VEGFB: variants seen among roughly 807,000 people sequenced by gnomAD.
VEGFB encodes vascular endothelial growth factor B.
VEGFB carries 24 observed loss-of-function variants against 22.5 expected under a neutral mutation model. That is an observed-to-expected ratio of 1.07 (90% CI 0.77 to 1.50). VEGFB has a LOEUF of 1.50. VEGFB is among the 40% of genes most tolerant of loss of function. VEGFB has a pLI of 0.00. For synonymous variants in VEGFB, 141 were observed against 117.4 expected (o/e 1.20, Z -1.30); for missense variants, 327 against 287.8 (o/e 1.14, Z -0.99).
In VEGFB at chr11:64,236,333, A is replaced by C; in HGVS notation, c.374+6A>C. ...CACAGCCAGTGTGAATGCAGGTGCCAGCCAGGCCCAACTTCTGAGCTCGCA... is the reference window on the plus strand; with the variant it reads ...CACAGCCAGTGTGAATGCAGGTGCCCGCCAGGCCCAACTTCTGAGCTCGCA... On this transcript the variant is annotated splice_donor_region_variant and intron_variant, in intron 4 of 6. Transcript: ENST00000309422. 1 of 1,613,570 alleles carries C rather than the reference A, an allele frequency of 6.2e-7. No individual in the cohort carries two copies.
At chr11:64,236,122 C>A in intron 3 of VEGFB, 113 bp downstream of exon 3, 2 of 1,524,038 alleles carry the variant, frequency 1.3e-6, no homozygotes, top group Non-Finnish European at 1.8e-6. Flanking sequence ...GACTGATGCA[C>A]AGGAGACAGG....
rs1440012134 is a variant in VEGFB at position 64,238,372 on chromosome 11, A to G, written c.*39A>G. The stretch of plus-strand genomic sequence containing the variant: ...CCTCCTCAGGTGCCGGAAGCTGCGA[A>G]GGTGACACATGGCTTTTCAGACTCA... On this transcript the variant is annotated 3_prime_UTR_variant, in exon 7 of 7. Transcript: ENST00000309422. The G allele has an allele frequency of 1.3e-6, 2 of 1,536,080 alleles. No homozygotes were observed. Among genetic ancestry groups the G allele is most frequent in the African/African-American group, 2.7e-5 (2 of 73,016 alleles).
chr11:64,238,273 C>T lies in VEGFB; in HGVS notation c.*23-83C>T, dbSNP rs893340930. 5 of 1,509,304 alleles carry T rather than the reference C, an allele frequency of 3.3e-6. No homozygotes were observed. The African/African-American group carries it at 5.5e-5, about 17-fold the overall frequency. The allele number at this position is 1,509,304 out of a possible 1,614,324, so 93.5% of individuals were successfully genotyped here. On this transcript the variant is annotated intron_variant, in intron 6 of 6. Transcript: ENST00000309422. ...TGTGGCAGGATGCTCAGGTTGTGAT[C>T]TTAGTGGGCCCGAGGCACACATGAG...
chr11:64,237,777 A>G, intron 6 of VEGFB, 122 bp downstream of exon 6: 2 of 939,662 alleles, frequency 2.1e-6, no homozygotes, highest in South Asian at 3.7e-5. Flanking sequence ...GAATGTGTTG[A>G]ACAAATATTT....
At chr11:64,235,037 G>A in intron 1 of VEGFB, 144 bp downstream of exon 1, 1 of 638,406 alleles carries the variant, frequency 1.6e-6, no homozygotes, top group Non-Finnish European at 2.2e-6. Flanking sequence ...CCCGGCGCGT[G>A]CATCCCCTGG....
chr11:64,236,370 T>TG, intron 4 of VEGFB, 43 bp downstream of exon 4: 2 of 1,589,108 alleles, frequency 1.3e-6, no homozygotes. Context: ...AGGCCAGGCT[T>TG]GGGGGGTGCT....
chr11:64,235,601 C>G (rs1591078969), intron 2 of VEGFB, 101 bp downstream of exon 2: 1 of 1,364,316 alleles, frequency 7.3e-7, no homozygotes, highest in East Asian at 2.3e-5. Context: ...CTAGAAGATT[C>G]AAACTATTAT....
chr11:64,236,208 T>C, intron 3 of VEGFB, 46 bp from the exon 4 acceptor site: 1 of 1,604,336 alleles, frequency 6.2e-7, no homozygotes, highest in Non-Finnish European at 8.5e-7. Context: ...AGCATCCCCT[T>C]TCTCTCTCTC....
rs751195975 is a variant in VEGFB at position 64,237,198 on chromosome 11, A to T, written c.386A>T (p.Lys129Met). 2 of 1,605,990 alleles carry T rather than the reference A, an allele frequency of 1.2e-6. No individual in the cohort carries two copies. Among genetic ancestry groups the T allele is most frequent in the South Asian group, 2.2e-5 (2 of 89,774 alleles). ...HSQCECRPKK[K>M]DSAVKPDRAA... ...ATCTTACTTTTCAGACCTAAAAAAA[A>T]GGACAGTGCTGTGAAGCCAGACAGG... is the stretch of plus-strand genomic sequence containing the variant. The change falls in exon 5 of 7, where the codon AAG (lysine) becomes ATG (methionine). Residue 129 changes from lysine (K) to methionine (M), a missense_variant. By Grantham distance (95) the Lys-to-Met change is moderately conservative. Coordinates refer to ENST00000309422, the MANE Select transcript of VEGFB (RefSeq NM_003377.5).
intron 4 of VEGFB, 76 bp from the exon 5 acceptor site, chr11:64,237,111 G>GAC (rs2030129968): frequency 1.2e-6 from 1 of 819,792 alleles, no homozygotes; most frequent in Admixed American, 2.7e-5. Context: ...GAGAGAGAGA[G>GAC]AGAGAGAGAG....
In VEGFB at chr11:64,236,928, C is replaced by T. The variant is rs919158170; in HGVS notation, c.375-259C>T. On this transcript the variant is annotated intron_variant, in intron 4 of 6. Transcript: ENST00000309422. ...ACCCCATCTCTACTAAAAAAAAATA[C>T]AAAAATTAGCCGCGCATGGTGGCAG... Among the ~76,000 whole-genome samples, 3 of 144,890 alleles carry T rather than the reference C, an allele frequency of 2.1e-5. 1 individual carries two copies. The highest frequency in any genetic ancestry group is 3.1e-5 in the Non-Finnish European group (2 of 65,236).
At chr11:64,236,156 G>T in intron 3 of VEGFB, 98 bp from the exon 4 acceptor site, 1 of 1,544,764 alleles carries the variant, frequency 6.5e-7, no homozygotes. Flanking sequence ...CTGGTGGCCA[G>T]CCTCCCGGCT....
intron 1 of VEGFB, 144 bp from the exon 2 acceptor site, chr11:64,235,314 G>A: frequency 1.3e-6 from 1 of 782,980 alleles, no homozygotes; most frequent in Non-Finnish European, 2.1e-6. Context: ...TAAAGCTAGA[G>A]CAGTGGCCGC....
intron 3 of VEGFB, 26 bp from the exon 4 acceptor site, chr11:64,236,228 C>A (rs751028359): frequency 5.0e-6 from 8 of 1,597,498 alleles, no homozygotes; most frequent in Non-Finnish European, 6.8e-6. Context: ...CCCTCACTGT[C>A]CCCCCTGTTC....
chr11:64,238,015 C>A (rs966283905), intron 6 of VEGFB: 38 of 488,246 alleles, frequency 7.8e-5, no homozygotes, highest in Non-Finnish European at 1.3e-4. Flanking sequence ...CCCAGAAGCC[C>A]CTGTGGTAGA....
In VEGFB at chr11:64,237,215, C is replaced by T. The variant is rs1221493734; in HGVS notation, c.403C>T (p.Pro135Ser). 3 of 1,608,752 alleles carry T rather than the reference C, an allele frequency of 1.9e-6. No individual in the cohort carries two copies. Among genetic ancestry groups the T allele is most frequent in the East Asian group, 4.5e-5 (2 of 44,750 alleles). ...RPKKKDSAVK[P>S]DRAATPHHRP... ...TAAAAAAAAGGACAGTGCTGTGAAG[C>T]CAGACAGGTGAGTCTTTTGGACTCC... Residue 135 changes from proline (P) to serine (S), a missense_variant, in exon 5 of 7, where the codon CCA becomes TCA. Transcript: ENST00000309422.
Position 64,236,792 on chromosome 11 carries a change from G to A in VEGFB, c.375-395G>A, listed in dbSNP as rs2030065435. Among the ~76,000 whole-genome samples, 4 of 145,982 alleles carry A rather than the reference G, an allele frequency of 2.7e-5. No homozygotes were observed. The South Asian group carries it at 6.7e-4, about 24-fold the overall frequency. On this transcript the variant is annotated intron_variant, in intron 4 of 6. Coordinates refer to ENST00000309422, the MANE Select transcript of VEGFB (RefSeq NM_003377.5). ...TGGATCTGGGGCAACAAAGTAGGAT[G>A]CTTGGGCCGGGGGTAGTGGCTCACA...
At chr11:64,237,007 TG>T in intron 4 of VEGFB, 179 bp from the exon 5 acceptor site, 1 of 458,492 alleles carries the variant, frequency 2.2e-6, no homozygotes, top group Admixed American at 2.9e-5. Context: ...AGCTTGAACC[TG>T]GGAGGCGGAG....
intron 5 of VEGFB, 85 bp downstream of exon 5, chr11:64,237,307 C>T (rs1300975354): frequency 1.3e-5 from 19 of 1,514,506 alleles, no homozygotes; most frequent in South Asian, 3.4e-5. Flanking sequence ...TCCTCCCACC[C>T]GTCCCCCACT....
Sources: gnomAD v4.1 joint callset for allele counts (sites outside exome capture counted in the v4.1 genomes callset) on GRCh38, gnomAD v4.1.1 for gene constraint, MANE v1.5 for transcripts, NCBI Gene and HGNC (gene_info 2026-07-23, HGNC 2026-07-21) for gene names.